Variants in ANO10 observed in about 807,000 individuals in gnomAD.
ANO10 encodes anoctamin-10.
In ANO10, 77 loss-of-function variants were observed where a neutral mutation model predicts 74.7. The ratio of observed to expected loss-of-function variants is 1.03; its 90% CI spans 0.86 to 1.25. The LOEUF (loss-of-function observed/expected upper bound fraction) is 1.25, where lower values mean the gene tolerates loss of function less well. Among genes scored for constraint, ANO10 ranks in the 50% most tolerant of loss-of-function variants. The pLI, the probability that ANO10 is intolerant of heterozygous loss-of-function variation, is 0.00. For missense variants in ANO10, 721 were observed against 778.1 expected (o/e 0.93, Z 0.87); for synonymous variants, 279 against 284.9 (o/e 0.98, Z 0.21).
chr3:43,366,705 T>G lies in ANO10; in HGVS notation c.*201A>C. ...TGGGAAGGAGCAGACAGGGTGGGGC[T>G]GGGGGAACTGCCAAGGATCCCGAGC... On this transcript the variant is annotated 3_prime_UTR_variant, in exon 13 of 13. Transcript: ENST00000292246. The G allele has an allele frequency of 1.6e-6, 1 of 636,676 alleles. No homozygotes were observed. Among genetic ancestry groups the G allele is most frequent in the Non-Finnish European group, 2.8e-6 (1 of 352,786 alleles). 39.4% of individuals were successfully genotyped at this position (636,676 alleles called of 1,614,324 possible). A position where few individuals can be genotyped will look rare whatever the true frequency, so the allele number is the denominator to read the frequency against.
intron 12 of ANO10, among the ~76,000 whole-genome samples, chr3:43,367,792 A>G (rs1393926331): frequency 2.6e-5 from 4 of 152,218 alleles, no homozygotes; most frequent in South Asian, 2.1e-4. Context: ...CGTTGAATAA[A>G]TGAATAACTA....
chr3:43,372,865 G>A, intron 12 of ANO10: 1 of 1,534,476 alleles, frequency 6.5e-7, no homozygotes. Flanking sequence ...AGCAGCCAGA[G>A]AAATTCTAAT....
At chr3:43,537,166 T>A (rs1306106564) in intron 11 of ANO10, among the ~76,000 whole-genome samples, 1 of 152,210 alleles carries the variant, frequency 6.6e-6, no homozygotes, top group Non-Finnish European at 1.5e-5. Flanking sequence ...ACCTGTCATC[T>A]TGCTCATATG....
At chr3:43,396,700 G>A (rs1260780477) in intron 12 of ANO10, among the ~76,000 whole-genome samples, 1 of 151,372 alleles carries the variant, frequency 6.6e-6, no homozygotes, top group African/African-American at 2.4e-5. Flanking sequence ...TTGCTCTGTC[G>A]TCCAAGCTGG....
At chr3:43,593,775 G>A (rs1053463057) in intron 4 of ANO10, among the ~76,000 whole-genome samples, 2 of 152,182 alleles carry the variant, frequency 1.3e-5, no homozygotes, top group Admixed American at 6.5e-5. Context: ...AACCTTAAAT[G>A]TAAATGGGCT....
intron 11 of ANO10, among the ~76,000 whole-genome samples, chr3:43,528,173 T>G (rs970096512): frequency 1.3e-5 from 2 of 150,500 alleles, no homozygotes; most frequent in Non-Finnish European, 3.0e-5. Context: ...GAGCTACTAT[T>G]GCTAGTCTAG....
At chr3:43,370,343 T>C (rs940572050) in intron 12 of ANO10, among the ~76,000 whole-genome samples, 1 of 152,224 alleles carries the variant, frequency 6.6e-6, no homozygotes, top group African/African-American at 2.4e-5. Flanking sequence ...CTTCGAGTTT[T>C]TCCACTGGCC....
chr3:43,670,382 A>C (rs546951034), intron 1 of ANO10, among the ~76,000 whole-genome samples: 1 of 152,042 alleles, frequency 6.6e-6, no homozygotes, highest in Non-Finnish European at 1.5e-5. Context: ...ATCATTTCTA[A>C]TTTCATAATA....
chr3:43,562,472 G>A (rs776899958), intron 8 of ANO10, among the ~76,000 whole-genome samples: 1,765 of 38,612 alleles, frequency 0.046, 5 homozygotes, highest in East Asian at 0.071. Context: ...AAAAAAAAAA[G>A]AAGTTTGAGA....
At chr3:43,686,314 C>T (rs1181785742) in intron 1 of ANO10, among the ~76,000 whole-genome samples, 5 of 152,116 alleles carry the variant, frequency 3.3e-5, no homozygotes, top group Admixed American at 2.0e-4. Context: ...GAGACAGGGT[C>T]TCACTCTGTC....
At chr3:43,629,113 C>G (rs946744995) in intron 1 of ANO10, among the ~76,000 whole-genome samples, 1 of 152,160 alleles carries the variant, frequency 6.6e-6, no homozygotes, top group African/African-American at 2.4e-5. Flanking sequence ...TGATGTCTCC[C>G]CCGGACACCC....
intron 11 of ANO10, among the ~76,000 whole-genome samples, chr3:43,441,250 G>T (rs908741264): frequency 6.6e-6 from 1 of 151,598 alleles, no homozygotes; most frequent in Non-Finnish European, 1.5e-5. Context: ...GTAAGAGTTG[G>T]TCTTTCGAAA....
chr3:43,424,202 G>A (rs1006987465), intron 12 of ANO10, among the ~76,000 whole-genome samples: 8 of 152,148 alleles, frequency 5.3e-5, no homozygotes, highest in African/African-American at 1.7e-4. Context: ...AACCTCCTTT[G>A]CAAAAATCGT....
At chr3:43,688,704 C>T (rs1358874736) in intron 1 of ANO10, among the ~76,000 whole-genome samples, 3 of 151,902 alleles carry the variant, frequency 2.0e-5, no homozygotes, top group Non-Finnish European at 2.9e-5. Flanking sequence ...ATTAGCTGGG[C>T]GTGGTGGCGG....
rs778042634 is a variant in ANO10, at chr3:43,690,947, G to C, written c.-12+570C>G. ...CAGCCCGGGGCGGCCCAGTCGGCCT[G>C]TCAGCCGGCTTCGAGATAAGTCCCG... On this transcript the variant is annotated intron_variant, in intron 1 of 3. Coordinates refer to the ANO10 transcript ENST00000413397. The C allele has an allele frequency of 7.8e-6, 12 of 1,545,198 alleles. No individual in the cohort carries two copies. The African/African-American group carries it at 1.4e-4, about 18-fold the overall frequency.
At chr3:43,550,660 T>A (rs930492984) in intron 10 of ANO10, among the ~76,000 whole-genome samples, 1 of 151,924 alleles carries the variant, frequency 6.6e-6, no homozygotes, top group Non-Finnish European at 1.5e-5. Flanking sequence ...CATCTTACAA[T>A]TTAGAAATCT....
At chr3:43,608,499 G>A (rs1001700608) in intron 1 of ANO10, among the ~76,000 whole-genome samples, 2 of 152,048 alleles carry the variant, frequency 1.3e-5, no homozygotes. Flanking sequence ...TCTTGGGCTC[G>A]AGTGATCCTT....
At chr3:43,649,380 T>TATA (rs1349967318) in intron 1 of ANO10, among the ~76,000 whole-genome samples, 7 of 152,220 alleles carry the variant, frequency 4.6e-5, no homozygotes, top group Non-Finnish European at 8.8e-5. Context: ...ATATACTGAT[T>TATA]ATAGCTGCTT....
chr3:43,658,940 T>C (rs1352449523), intron 1 of ANO10, among the ~76,000 whole-genome samples: 2 of 152,180 alleles, frequency 1.3e-5, no homozygotes, highest in African/African-American at 2.4e-5. Flanking sequence ...TGGGTGGTAG[T>C]TGTGTTATAT....
Sources: gnomAD v4.1 joint callset for allele counts (sites outside exome capture counted in the v4.1 genomes callset) on GRCh38, gnomAD v4.1.1 for gene constraint, MANE v1.5 for transcripts, NCBI Gene and HGNC (gene_info 2026-07-23, HGNC 2026-07-21) for gene names.